Variants in SORCS1 observed in about 807,000 individuals in gnomAD.
SORCS1 encodes sortilin related VPS10 domain containing receptor 1, also known as VPS10 domain-containing receptor SorCS1.
SORCS1 carries 60 observed loss-of-function variants against 146.1 expected under a neutral mutation model. The observed-to-expected ratio is 0.41, with a 90% CI of 0.33 to 0.51. The LOEUF is 0.51. SORCS1 is among the 20% of genes least tolerant of loss of function. SORCS1 has a pLI of 0.21. For missense variants in SORCS1, 1,352 were observed against 1,487.6 expected, an observed-to-expected ratio of 0.91 and a Z score of 1.50; for synonymous variants, 637 against 584.0, an observed-to-expected ratio of 1.09 and a Z score of -1.31.
intron 2 of SORCS1, among the ~76,000 whole-genome samples, chr10:106,915,845 G>T (rs1952395096): frequency 2.6e-5 from 4 of 152,198 alleles, no homozygotes; most frequent in Admixed American, 1.3e-4. Flanking sequence ...CAACAAAGTA[G>T]GAAGAGCGAG....
At chr10:107,027,636 A>C (rs923231010) in intron 1 of SORCS1, among the ~76,000 whole-genome samples, 2 of 152,156 alleles carry the variant, frequency 1.3e-5, no homozygotes, top group African/African-American at 4.8e-5. Flanking sequence ...CAGCCATGGA[A>C]AACCACACTC....
chr10:106,847,498 G>T (rs1949348816), intron 2 of SORCS1, among the ~76,000 whole-genome samples: 1 of 12,438 alleles, frequency 8.0e-5, no homozygotes, highest in Non-Finnish European at 2.0e-4. Context: ...AGTCTTGCTA[G>T]CGGTCTATCA....
chr10:107,006,316 T>C (rs1957440118), intron 1 of SORCS1, among the ~76,000 whole-genome samples: 1 of 143,034 alleles, frequency 7.0e-6, no homozygotes, highest in Non-Finnish European at 1.5e-5. Context: ...AAAGCAGCTG[T>C]TCAATGAAAG....
chr10:106,815,909 A>G (rs1268579900), intron 3 of SORCS1, among the ~76,000 whole-genome samples: 1 of 152,222 alleles, frequency 6.6e-6, no homozygotes, highest in Non-Finnish European at 1.5e-5. Flanking sequence ...CTTTCTGTCA[A>G]GCTTTAACTT....
intron 2 of SORCS1, among the ~76,000 whole-genome samples, chr10:106,844,850 C>T (rs1462890037): frequency 1.5e-4 from 22 of 147,432 alleles, no homozygotes; most frequent in South Asian, 6.6e-4. Flanking sequence ...TTTGTTCTTG[C>T]GATAGTTTAC....
chr10:107,135,707 T>C (rs1565090444), intron 1 of SORCS1, among the ~76,000 whole-genome samples: 1 of 152,202 alleles, frequency 6.6e-6, no homozygotes, highest in South Asian at 2.1e-4. Context: ...CTCTACAATT[T>C]TGTAGAAGAA....
Position 106,944,781 on chromosome 10 carries a change from G to T in SORCS1, c.626+11732C>A, listed in dbSNP as rs140487389. The stretch of plus-strand genomic sequence containing the variant: ...TTTAATGGTGGCATCAGACAATAGA[G>T]AAGTAATGAATAAAATCATTCTAGA... On this transcript the variant is annotated intron_variant, in intron 2 of 25. Coordinates refer to ENST00000263054, the MANE Select transcript of SORCS1 (RefSeq NM_052918.5). 3.5e-3 allele frequency among the ~76,000 whole-genome samples: 521 copies of T among 148,256 alleles called. 8 individuals carry two copies. The highest frequency in any genetic ancestry group is 0.01 in the African/African-American group (405 of 40,438).
At chr10:106,972,639 A>C (rs922142814) in intron 1 of SORCS1, among the ~76,000 whole-genome samples, 1 of 152,034 alleles carries the variant, frequency 6.6e-6, no homozygotes, top group Admixed American at 6.6e-5. Context: ...AGTGCCGTAG[A>C]CAAGAGTAAA....
At chr10:107,129,265 C>A (rs942275710) in intron 1 of SORCS1, among the ~76,000 whole-genome samples, 1 of 152,196 alleles carries the variant, frequency 6.6e-6, no homozygotes, top group African/African-American at 2.4e-5. Context: ...AAAAGAGAAT[C>A]TCTTGGAGGC....
chr10:107,070,988 T>C (rs1002129553), intron 1 of SORCS1, among the ~76,000 whole-genome samples: 2 of 152,188 alleles, frequency 1.3e-5, no homozygotes, highest in African/African-American at 4.8e-5. Context: ...GGCTTTCATG[T>C]GGCATCTACT....
intron 1 of SORCS1, among the ~76,000 whole-genome samples, chr10:107,058,493 T>C (rs975909840): frequency 3.3e-5 from 5 of 152,214 alleles, no homozygotes; most frequent in African/African-American, 1.2e-4. Flanking sequence ...AGAAATTACC[T>C]TGACTATAAT....
chr10:106,701,646 G>A (rs560353687), intron 8 of SORCS1, among the ~76,000 whole-genome samples: 2 of 152,262 alleles, frequency 1.3e-5, no homozygotes, highest in East Asian at 3.9e-4. Context: ...CCTAAATGTG[G>A]ACATTTAAGA....
rs146968427 is a variant in SORCS1, at chr10:107,087,355, C to T, written c.558+76614G>A. Among the ~76,000 whole-genome samples the T allele has an allele frequency of 9.4e-3, 1,428 of 152,118 alleles. 30 individuals are homozygous for T. Among genetic ancestry groups the T allele is most frequent in the African/African-American group, 0.033 (1,367 of 41,478 alleles). On this transcript the variant is annotated intron_variant, in intron 1 of 25. Coordinates refer to ENST00000263054, the MANE Select transcript of SORCS1 (RefSeq NM_052918.5). ...TCCAGTCTTATTAAGTAGCTTTATC[C>T]TTGATCCATATGTCTAGTGTTCCTG...
intron 1 of SORCS1, among the ~76,000 whole-genome samples, chr10:107,008,838 A>T (rs1957563890): frequency 6.6e-6 from 1 of 152,236 alleles, no homozygotes; most frequent in African/African-American, 2.4e-5. Flanking sequence ...TCTACTAAAA[A>T]TACAAAAAAT....
Position 106,829,610 on chromosome 10 carries a change from C to G in SORCS1, c.690G>C (p.Leu230Phe), listed in dbSNP as rs1279906146. 1 of 1,607,294 alleles carries G rather than the reference C, an allele frequency of 6.2e-7. No homozygotes were observed. The highest frequency in any genetic ancestry group is 8.5e-7 in the Non-Finnish European group (1 of 1,174,828). Residue 230 changes from leucine to phenylalanine, a missense_variant, in exon 3 of 26, where the codon TTG becomes TTC. This residue lies in a region of SORCS1 where 490 missense variants were observed against 489.1 expected (regional missense o/e 1.00). Transcript: ENST00000263054. The part of the protein sequence containing the change: ...LNDKVGLKTI[L>F]SYLYVCPTNK... ...TGGTAGGACACACATAGAGATAGCT[C>G]AAAATGGTTTTCAAACCAACTTTAT...
intron 10 of SORCS1, among the ~76,000 whole-genome samples, chr10:106,684,287 G>A (rs567808628): frequency 1.3e-5 from 2 of 152,286 alleles, no homozygotes; most frequent in South Asian, 2.1e-4. Flanking sequence ...GCAGTGAGCC[G>A]AGATCGCACC....
intron 5 of SORCS1, among the ~76,000 whole-genome samples, chr10:106,749,171 A>G (rs7903188): frequency 0.21 from 31,707 of 152,058 alleles, 3,996 homozygotes; most frequent in East Asian, 0.48. Context: ...ATTACAATTC[A>G]CCAATAGGAA....
chr10:106,884,431 AT>A (rs146123916), intron 2 of SORCS1, among the ~76,000 whole-genome samples: 60 of 148,918 alleles, frequency 4.0e-4, no homozygotes, highest in South Asian at 2.4e-3. Context: ...TTCACATTCT[AT>A]TTTTTTTTTC....
At chr10:106,830,253 C>T (rs754680679) in intron 2 of SORCS1, among the ~76,000 whole-genome samples, 4 of 152,130 alleles carry the variant, frequency 2.6e-5, no homozygotes, top group Non-Finnish European at 4.4e-5. Context: ...CATGACTTCT[C>T]GACACTGACA....
Sources: gnomAD v4.1 joint callset for allele counts (sites outside exome capture counted in the v4.1 genomes callset) on GRCh38, gnomAD v4.1.1 for gene constraint, gnomAD v4.1.1 regional missense constraint, MANE v1.5 for transcripts, NCBI Gene and HGNC (gene_info 2026-07-23, HGNC 2026-07-21) for gene names.